The following FYCO1 variants were observed in gnomAD, a reference collection of about 807,000 sequenced individuals.
The protein encoded by FYCO1 is FYVE and coiled-coil domain autophagy adaptor 1, also known as FYVE and coiled-coil domain-containing protein 1.
Under a neutral mutation model 165.1 loss-of-function variants are expected in FYCO1, and 122 were observed. That is an observed-to-expected ratio of 0.74 (90% CI 0.64 to 0.86). The LOEUF (loss-of-function observed/expected upper bound fraction) is 0.86, where lower values mean the gene tolerates loss of function less well. FYCO1 is among the 40% of genes least tolerant of loss of function. FYCO1 has a pLI of 0.00. For synonymous variants in FYCO1, 648 were observed against 742.5 expected (o/e 0.87, Z 2.07); for missense variants, 1,702 against 1,810.3 (o/e 0.94, Z 1.09).
intron 15 of FYCO1, among the ~76,000 whole-genome samples, chr3:45,932,748 A>G (rs1217319836): frequency 6.6e-6 from 1 of 152,254 alleles, no homozygotes; most frequent in Non-Finnish European, 1.5e-5. Flanking sequence ...AACAGCTCCA[A>G]TACTCACCTT....
chr3:45,925,527 C>T (rs569710324), intron 16 of FYCO1, among the ~76,000 whole-genome samples: 1 of 152,282 alleles, frequency 6.6e-6, no homozygotes, highest in East Asian at 1.9e-4. Flanking sequence ...TACAAAATGA[C>T]TGAATCCAAA....
At chr3:45,922,219 G>A (rs1575321956) in intron 17 of FYCO1, among the ~76,000 whole-genome samples, 2 of 152,176 alleles carry the variant, frequency 1.3e-5, no homozygotes, top group South Asian at 2.1e-4. Context: ...TTTCCTACTC[G>A]GCAGCTAACT....
intron 14 of FYCO1, chr3:45,938,218 G>A (rs1704002827): frequency 2.2e-5 from 28 of 1,289,156 alleles, no homozygotes; most frequent in Non-Finnish European, 2.8e-5. Flanking sequence ...GATTCACAGA[G>A]CAGGTTTCCC....
Position 45,964,323 on chromosome 3 carries a change from G to A in FYCO1, c.3269+13C>T. 6.3e-7 allele frequency: 1 copy of A among 1,588,982 alleles called. No homozygotes were observed. Among genetic ancestry groups the A allele is most frequent in the Non-Finnish European group, 8.6e-7 (1 of 1,157,026 alleles). The stretch of plus-strand genomic sequence containing the variant: ...AAGACTACCGACAGCTACGTAGGTG[G>A]ACTGTGACTAACCTTTCTAGGTCTT... On this transcript the variant is annotated intron_variant, in intron 10 of 17. Coordinates refer to ENST00000296137, the MANE Select transcript of FYCO1 (RefSeq NM_024513.4). The surrounding 1 kb of genome is among the most constrained non-coding windows in gnomAD (Gnocchi z 4.1).
chr3:45,973,542 G>T (rs1232698072), intron 5 of FYCO1, among the ~76,000 whole-genome samples: 2 of 152,180 alleles, frequency 1.3e-5, no homozygotes, highest in Admixed American at 6.5e-5. Flanking sequence ...GTAGGAGAAA[G>T]AAAACTTCTT....
At chr3:45,979,858 A>G (rs1331975465) in intron 3 of FYCO1, 28 bp from the exon 4 acceptor site, 1 of 1,612,872 alleles carries the variant, frequency 6.2e-7, no homozygotes, top group African/African-American at 1.3e-5. Context: ...AAGGGAGAGG[A>G]GGTCCAAACC....
At chr3:45,987,706 G>A (rs1201043732) in intron 1 of FYCO1, among the ~76,000 whole-genome samples, 1 of 152,200 alleles carries the variant, frequency 6.6e-6, no homozygotes, top group Non-Finnish European at 1.5e-5. Flanking sequence ...GGGTCTGTGT[G>A]TACACTTCTG....
chr3:45,974,110 G>A (rs1174172847), intron 5 of FYCO1, among the ~76,000 whole-genome samples: 1 of 152,046 alleles, frequency 6.6e-6, no homozygotes, highest in Non-Finnish European at 1.5e-5. Flanking sequence ...TGGGCATAGT[G>A]GCTCACACCT....
At chr3:45,979,405 G>A (rs1179299259) in intron 4 of FYCO1, among the ~76,000 whole-genome samples, 1 of 152,174 alleles carries the variant, frequency 6.6e-6, no homozygotes, top group Admixed American at 6.5e-5. Context: ...TACATCTCAA[G>A]GGCTGCCATT....
rs754794996 is a variant in FYCO1 at position 45,984,948 on chromosome 3, G to A, written c.-38C>T. On this transcript the variant is annotated 5_prime_UTR_variant, in exon 2 of 18. Transcript: ENST00000296137. ...TTTCTTGTCTGTATGTCTCCTGCCTGGGTCCAGAGGAAGGCTCAGAATTTC... is the reference window on the plus strand; with the variant it reads ...TTTCTTGTCTGTATGTCTCCTGCCTAGGTCCAGAGGAAGGCTCAGAATTTC... 1.2e-6 allele frequency: 2 copies of A among 1,610,710 alleles called. No individual in the cohort carries two copies. The highest frequency in any genetic ancestry group is 2.2e-5 in the South Asian group (2 of 90,982).
rs1332705522 is a variant in FYCO1, at chr3:45,931,286, A to G, written c.4041-5T>C. On this transcript the variant is annotated splice_polypyrimidine_tract_variant and splice_region_variant and intron_variant, in intron 15 of 17. Transcript: ENST00000296137. ...ACTGTGAGGGGTACTTTGATCCTAA[A>G]ATAAAAATACAGAGAGGGACCTGAT... 4 of 1,613,322 alleles carry G rather than the reference A, an allele frequency of 2.5e-6. No individual in the cohort carries two copies. The highest frequency in any genetic ancestry group is 3.4e-6 in the Non-Finnish European group (4 of 1,179,616).
chr3:45,941,483 AT>A (rs1704220607), intron 14 of FYCO1, among the ~76,000 whole-genome samples: 1 of 152,264 alleles, frequency 6.6e-6, no homozygotes, highest in Admixed American at 6.5e-5. Flanking sequence ...AATAAAAGTA[AT>A]GCCCTTAAAA....
At chr3:45,953,421 G>C (rs1705137480) in intron 14 of FYCO1, among the ~76,000 whole-genome samples, 2 of 152,198 alleles carry the variant, frequency 1.3e-5, no homozygotes, top group Admixed American at 1.3e-4. Context: ...AGACAACACA[G>C]ACTGAGAAAC....
Position 45,947,044 on chromosome 3 carries a change from C to G in FYCO1, c.3944+8205G>C, listed in dbSNP as rs749075268. ...TGTGGTTACCATGACGAGGCAATTT[C>G]CACTGTGGTTCTTGCCACCCAGATG... On this transcript the variant is annotated intron_variant, in intron 14 of 17. Transcript: ENST00000296137. The G allele has an allele frequency of 3.7e-6, 6 of 1,614,098 alleles. No individual in the cohort carries two copies. In the South Asian group the frequency reaches 6.6e-5, roughly 18 times the overall value.
At chr3:45,952,462 CA>C (rs1050559850) in intron 14 of FYCO1, among the ~76,000 whole-genome samples, 1 of 152,042 alleles carries the variant, frequency 6.6e-6, no homozygotes, top group African/African-American at 2.4e-5. Context: ...AGCTAATGCA[CA>C]AAAAAAGTGT....
At chr3:45,990,955 A>AT (rs1194342548) in intron 1 of FYCO1, among the ~76,000 whole-genome samples, 3 of 151,510 alleles carry the variant, frequency 2.0e-5, no homozygotes, top group Non-Finnish European at 2.9e-5. Context: ...TTTTAAATGT[A>AT]TTTTAGTAGA....
intron 15 of FYCO1, among the ~76,000 whole-genome samples, chr3:45,935,721 T>G (rs1703855007): frequency 6.6e-6 from 1 of 152,262 alleles, no homozygotes; most frequent in Admixed American, 6.5e-5. Flanking sequence ...ATTGACTTAT[T>G]TAATTATGTT....
intron 16 of FYCO1, among the ~76,000 whole-genome samples, chr3:45,925,219 C>T (rs1026762228): frequency 4.0e-5 from 6 of 151,158 alleles, no homozygotes; most frequent in African/African-American, 1.2e-4. Flanking sequence ...TGAGCCACGG[C>T]GCCCAGCCCT....
At chr3:45,977,320 T>C (rs1170760038) in intron 4 of FYCO1, among the ~76,000 whole-genome samples, 1 of 104,648 alleles carries the variant, frequency 9.6e-6, no homozygotes, top group Non-Finnish European at 2.2e-5. Context: ...TTTGAGGCTA[T>C]ACTTTTAATC....
Sources: allele counts gnomAD v4.1 joint callset (sites outside exome capture counted in the v4.1 genomes callset), GRCh38; gene constraint gnomAD v4.1.1; non-coding constraint Gnocchi (gnomAD v3.1); transcripts MANE v1.5; gene names NCBI Gene and HGNC (gene_info 2026-07-23, HGNC 2026-07-21).